PPP2R2D: variants seen among roughly 807,000 people sequenced by gnomAD.
PPP2R2D encodes the protein serine/threonine-protein phosphatase 2A 55 kDa regulatory subunit B delta isoform.
PPP2R2D carries 9 observed loss-of-function variants against 31.1 expected under a neutral mutation model. The ratio of observed to expected loss-of-function variants is 0.29; its 90% CI spans 0.17 to 0.51. The LOEUF (loss-of-function observed/expected upper bound fraction) is 0.51. Among genes scored for constraint, PPP2R2D ranks in the 20% least tolerant of loss-of-function variants. PPP2R2D has a pLI of 0.98. For missense variants in PPP2R2D, 391 were observed against 465.6 expected, an observed-to-expected ratio of 0.84 and a Z score of 1.48; for synonymous variants, 179 against 172.6, an observed-to-expected ratio of 1.04 and a Z score of -0.29.
chr10:131,965,746 G>A, the PPP2R2D span, among the ~76,000 whole-genome samples: 8 of 152,162 alleles, frequency 5.3e-5, no homozygotes, highest in African/African-American at 1.4e-4. Flanking sequence ...GCGCCTGGCC[G>A]GGGGCTGTCT....
rs1387998437 is a variant in PPP2R2D, at chr10:131,956,615, GAACT to G, written c.*657_*660del. ...TGAAGTTATGCAGGGTTCTTCTTTG[GAACT>G]AACTGTTTGAGAAATGTGTGTCCTT... On this transcript the variant is annotated 3_prime_UTR_variant, in exon 9 of 9. Transcript: ENST00000455566. 10 of 954,212 alleles carry G rather than the reference GAACT, an allele frequency of 1.0e-5. No individual in the cohort carries two copies. The highest frequency in any genetic ancestry group is 3.5e-5 in the African/African-American group (2 of 56,494). 59.1% of individuals were successfully genotyped at this position (954,212 alleles called of 1,614,324 possible). A position where few individuals can be genotyped will look rare whatever the true frequency, so the allele number is the denominator to read the frequency against.
At chr10:131,924,628 G>A (rs917278553) in intron 2 of PPP2R2D, among the ~76,000 whole-genome samples, 1 of 151,236 alleles carries the variant, frequency 6.6e-6, no homozygotes, top group Non-Finnish European at 1.5e-5. Context: ...TCTTTTTAAA[G>A]ATCATTTTGG....
At chr10:131,962,378 G>C (rs2036937439), downstream of PPP2R2D, among the ~76,000 whole-genome samples, 1 of 152,204 alleles carries the variant, frequency 6.6e-6, no homozygotes, top group East Asian at 1.9e-4. Flanking sequence ...TTGCAAAGAG[G>C]CGAAACCTGT....
intron 2 of PPP2R2D, among the ~76,000 whole-genome samples, chr10:131,925,841 T>C (rs1554894847): frequency 6.6e-6 from 1 of 152,150 alleles, no homozygotes; most frequent in Non-Finnish European, 1.5e-5. Flanking sequence ...CCCTCACAAA[T>C]TGAATACGAG....
Position 131,933,616 on chromosome 10 carries a change from C to T in PPP2R2D, c.101-842C>T, listed in dbSNP as rs143658881. ...GTCCGCACGCGACACAGCAGCACTG[C>T]GGAGAAGCCAGCCTCCTCCAGAGTC... On this transcript the variant is annotated intron_variant, in intron 2 of 8. Transcript: ENST00000455566. Among the ~76,000 whole-genome samples, 685 of 152,288 alleles carry T rather than the reference C, an allele frequency of 4.5e-3. 4 individuals are homozygous for T. The highest frequency in any genetic ancestry group is 0.015 in the African/African-American group (625 of 41,554).
At position 131,947,594 on chromosome 10, in the gene PPP2R2D, C is replaced by A; in HGVS notation, c.885C>A (p.Ser295=). The change falls in exon 8 of 9, where the codon TCC becomes TCA. Residue 295 remains serine (S), a synonymous_variant. Coordinates refer to ENST00000455566, the MANE Select transcript of PPP2R2D (RefSeq NM_018461.5). This position sits in a 1 kb window ranked among gnomAD's most constrained non-coding sequence, Gnocchi z 4.3. ...TCTCAGAAATAATTTCATCCATATC[C>A]GATGTAAAATTCAGTCATAGTGGGC... The part of the protein sequence containing the change: ...SFFSEIISSI[S]DVKFSHSGRY... The A allele has an allele frequency of 6.2e-7, 1 of 1,614,158 alleles. No individual in the cohort carries two copies.
At chr10:131,933,881 G>T (rs1218036087) in intron 2 of PPP2R2D, among the ~76,000 whole-genome samples, 1 of 151,914 alleles carries the variant, frequency 6.6e-6, no homozygotes, top group African/African-American at 2.4e-5. Flanking sequence ...AGATCTCAAG[G>T]CCTCCCTGAC....
In PPP2R2D at chr10:131,956,119, G is replaced by A. The variant is rs1369234555; in HGVS notation, c.*156G>A. ...AGAAAGCCGCCTCCGCTGGAGGCCC[G>A]GTGTGGTTCCGCCTCGGCGAGGCGC... is the stretch of plus-strand genomic sequence containing the variant. On this transcript the variant is annotated 3_prime_UTR_variant, in exon 9 of 9. Transcript: ENST00000455566. 55 of 1,259,920 alleles carry A rather than the reference G, an allele frequency of 4.4e-5. No homozygotes were observed. The highest frequency in any genetic ancestry group is 5.2e-5 in the Non-Finnish European group (52 of 1,004,558). The allele number at this position is 1,259,920 out of a possible 1,614,324, so 78.0% of individuals were successfully genotyped here.
At chr10:131,903,393 G>A (rs937127032) in intron 2 of PPP2R2D, among the ~76,000 whole-genome samples, 2 of 151,210 alleles carry the variant, frequency 1.3e-5, no homozygotes, top group Admixed American at 1.3e-4. Context: ...CTTGAACCCG[G>A]GTGGTGGAGG....
At position 131,919,731 on chromosome 10, in the gene PPP2R2D, C is replaced by A. The variant is rs28667365; in HGVS notation, c.101-14727C>A. On this transcript the variant is annotated intron_variant, in intron 2 of 8. Transcript: ENST00000455566. ...CAGGCCGGTGGAATGACACAGTGTT[C>A]GTAGGGACCTCACGTGGGTGGAATG... Among the ~76,000 whole-genome samples the A allele has an allele frequency of 4.8e-5, 4 of 84,174 alleles. 1 individual carries two copies. The allele number at this position is 84,174 out of a possible 152,430, so 55.2% of individuals were successfully genotyped here.
intron 2 of PPP2R2D, among the ~76,000 whole-genome samples, chr10:131,928,619 A>G (rs1223934722): frequency 6.6e-6 from 1 of 152,220 alleles, no homozygotes; most frequent in Non-Finnish European, 1.5e-5. Flanking sequence ...TAGGAGAGGA[A>G]ATGGGGGAAC....
At chr10:131,936,397 C>T (rs777023350) in intron 3 of PPP2R2D, among the ~76,000 whole-genome samples, 6 of 152,116 alleles carry the variant, frequency 3.9e-5, no homozygotes, top group East Asian at 1.9e-4. Flanking sequence ...CCGCCCACCT[C>T]GGCCTCCCAA....
intron 2 of PPP2R2D, among the ~76,000 whole-genome samples, chr10:131,906,418 T>TA (rs1370984468): frequency 3.2e-4 from 48 of 152,240 alleles, no homozygotes; most frequent in Admixed American, 2.6e-4. Context: ...TCTAAAGAGA[T>TA]AGACTAAACA....
At chr10:131,914,599 G>A (rs190372965) in intron 2 of PPP2R2D, among the ~76,000 whole-genome samples, 146 of 152,282 alleles carry the variant, frequency 9.6e-4, no homozygotes, top group Admixed American at 2.1e-3. Flanking sequence ...CCTAAAAGTA[G>A]TGAGGCGGTT....
chr10:131,937,362 C>T (rs1357785701), intron 3 of PPP2R2D, among the ~76,000 whole-genome samples: 1 of 152,234 alleles, frequency 6.6e-6, no homozygotes, highest in African/African-American at 2.4e-5. Flanking sequence ...CCTCCAGGCT[C>T]AGCTCTAGCC....
intron 2 of PPP2R2D, among the ~76,000 whole-genome samples, chr10:131,923,574 AAC>A (rs1263114193): frequency 6.6e-6 from 1 of 152,146 alleles, no homozygotes; most frequent in Admixed American, 6.5e-5. Context: ...TCAATGTATG[AAC>A]AGTTTTTCTT....
chr10:131,915,390 G>A (rs2035760216), intron 2 of PPP2R2D, among the ~76,000 whole-genome samples: 1 of 152,088 alleles, frequency 6.6e-6, no homozygotes, highest in Admixed American at 6.5e-5. Context: ...GGGATAGGTT[G>A]CTTTTAGAAT....
intron 2 of PPP2R2D, among the ~76,000 whole-genome samples, chr10:131,903,466 CA>C (rs1175160035): frequency 0.048 from 3,577 of 74,394 alleles, 73 homozygotes; most frequent in African/African-American, 0.14. Flanking sequence ...GGCTCCATCT[CA>C]AAAAAAAAAA....
intron 8 of PPP2R2D, among the ~76,000 whole-genome samples, chr10:131,952,394 CTGTCT>C (rs1388279258): frequency 4.1e-5 from 2 of 49,328 alleles, no homozygotes; most frequent in African/African-American, 8.9e-5. Flanking sequence ...CGGGGGTTCA[CTGTCT>C]TAGTGACTTG....
Sources: allele counts gnomAD v4.1 joint callset (sites outside exome capture counted in the v4.1 genomes callset), GRCh38; gene constraint gnomAD v4.1.1; non-coding constraint Gnocchi (gnomAD v3.1); transcripts MANE v1.5; gene names NCBI Gene and HGNC (gene_info 2026-07-23, HGNC 2026-07-21).